AIG1: variants seen among roughly 807,000 people sequenced by gnomAD.
The protein encoded by AIG1 is androgen-induced gene 1 protein.
A neutral mutation model predicts 31.4 loss-of-function variants in AIG1; 23 were observed. That is an observed-to-expected ratio of 0.73 (90% confidence interval 0.53 to 1.04). AIG1 has a LOEUF of 1.04. Ranked by LOEUF, AIG1 falls within the 50% of genes least tolerant of loss-of-function variation. AIG1 has a pLI of 0.00. For missense variants in AIG1, 274 were observed against 295.0 expected (o/e 0.93, Z 0.52); for synonymous variants, 100 against 110.5 (o/e 0.90, Z 0.60).
intron 3 of AIG1, among the ~76,000 whole-genome samples, chr6:143,192,865 A>G (rs1314806205): frequency 1.3e-5 from 2 of 152,248 alleles, no homozygotes; most frequent in South Asian, 2.1e-4. Context: ...GATGACACAC[A>G]GAGGGTGGAT....
chr6:143,168,447 C>G (rs945790561), intron 3 of AIG1, among the ~76,000 whole-genome samples: 4 of 146,368 alleles, frequency 2.7e-5, no homozygotes, highest in African/African-American at 1.0e-4. Flanking sequence ...GTGATGTTCT[C>G]CTTCCTGTGT....
chr6:143,227,214 A>G (rs1793050700), intron 3 of AIG1, among the ~76,000 whole-genome samples: 1 of 152,162 alleles, frequency 6.6e-6, no homozygotes, highest in South Asian at 2.1e-4. Flanking sequence ...CCAGAAAGCA[A>G]GAATTTTACC....
intron 3 of AIG1, among the ~76,000 whole-genome samples, chr6:143,246,388 A>G (rs1203819036): frequency 6.6e-6 from 1 of 152,152 alleles, no homozygotes; most frequent in East Asian, 1.9e-4. Context: ...AGCAGGCAAA[A>G]AGAGAGCCTG....
chr6:143,093,922 TAA>T (rs1779525920), intron 1 of AIG1: 1 of 152,118 alleles, frequency 6.6e-6, no homozygotes, highest in Non-Finnish European at 1.5e-5. Context: ...ATTATAATAG[TAA>T]GATCAAGGAT....
intron 1 of AIG1, among the ~76,000 whole-genome samples, chr6:143,112,131 C>G (rs1200475250): frequency 1.3e-5 from 2 of 152,200 alleles, no homozygotes; most frequent in African/African-American, 2.4e-5. Context: ...TTCTGCTTCT[C>G]TAGTCTCCTC....
chr6:143,143,540 TATATATATATATATAC>T lies in AIG1; in HGVS notation c.297+6552_297+6567del, dbSNP rs1274582551. On this transcript the variant is annotated intron_variant, in intron 2 of 5. Transcript: ENST00000357847. ...AAAAAAAAAAAAAAATATATATATA[TATATATATATATATAC>T]ACACACACTTAATATCTTCTGATCC... Among the ~76,000 whole-genome samples the T allele has an allele frequency of 7.2e-4, 84 of 116,318 alleles. 2 individuals carry two copies. Among genetic ancestry groups the T allele is most frequent in the African/African-American group, 3.0e-3 (80 of 27,010 alleles). The allele number at this position is 116,318 out of a possible 152,430, so 76.3% of individuals were successfully genotyped here. A position where few individuals can be genotyped will look rare whatever the true frequency, so the allele number is the denominator to read the frequency against.
chr6:143,160,180 T>C (rs1355584747), intron 2 of AIG1, among the ~76,000 whole-genome samples: 1 of 152,152 alleles, frequency 6.6e-6, no homozygotes, highest in African/African-American at 2.4e-5. Flanking sequence ...TATAGACCAA[T>C]CTATAGATAA....
chr6:143,314,184 T>TA (rs35691634), intron 4 of AIG1, among the ~76,000 whole-genome samples: 5,258 of 90,438 alleles, frequency 0.058, 545 homozygotes, highest in African/African-American at 0.19. Context: ...ACCCATCTCT[T>TA]AAAAAAAAAA....
chr6:143,225,564 T>C (rs1031517284), intron 3 of AIG1, among the ~76,000 whole-genome samples: 7 of 152,230 alleles, frequency 4.6e-5, no homozygotes, highest in East Asian at 1.9e-4. Context: ...TTACTATTAT[T>C]GACAGTAAAG....
At chr6:143,309,057 G>C (rs1266472338) in intron 4 of AIG1, among the ~76,000 whole-genome samples, 1 of 151,928 alleles carries the variant, frequency 6.6e-6, no homozygotes, top group African/African-American at 2.4e-5. Context: ...TACTTATAGA[G>C]AAAGAGGATA....
At chr6:143,247,713 GC>G (rs1203439893) in intron 3 of AIG1, among the ~76,000 whole-genome samples, 1 of 152,202 alleles carries the variant, frequency 6.6e-6, no homozygotes, top group Admixed American at 6.5e-5. Flanking sequence ...TAAGAAACTT[GC>G]CTAAGAACTC....
intron 3 of AIG1, among the ~76,000 whole-genome samples, chr6:143,228,517 G>A (rs1482615359): frequency 6.6e-6 from 1 of 152,168 alleles, no homozygotes; most frequent in East Asian, 1.9e-4. Context: ...CCAAAACTAG[G>A]AGAGTCTACA....
rs762322909 is a variant in AIG1 at position 143,325,381 on chromosome 6, G to T, written c.516-7901G>T. ...TCAACCACAATCTTCTTTTGCCAAT[G>T]AACTTGATACCTGTATTGCCAAATC... On this transcript the variant is annotated intron_variant, in intron 4 of 5. Coordinates refer to ENST00000357847, the MANE Select transcript of AIG1 (RefSeq NM_016108.4). The surrounding 1 kb of genome is among the most constrained non-coding windows in gnomAD (Gnocchi z 4.3). 3.0e-4 allele frequency among the ~76,000 whole-genome samples: 46 copies of T among 152,278 alleles called. No homozygotes were observed. Among genetic ancestry groups the T allele is most frequent in the South Asian group, 2.1e-4 (1 of 4,824 alleles).
intron 3 of AIG1, chr6:143,186,930 C>T (rs77817279): frequency 5.8e-6 from 1 of 171,470 alleles, no homozygotes; most frequent in East Asian, 1.7e-4. Flanking sequence ...CTTGCAAGTA[C>T]AGAATACCGT....
At chr6:143,273,840 A>C (rs1379385122) in intron 3 of AIG1, among the ~76,000 whole-genome samples, 1 of 152,228 alleles carries the variant, frequency 6.6e-6, no homozygotes, top group African/African-American at 2.4e-5. Flanking sequence ...CATGGGAATT[A>C]TGGGAGCTAC....
intron 3 of AIG1, among the ~76,000 whole-genome samples, chr6:143,224,904 T>G (rs1792820496): frequency 6.6e-6 from 1 of 152,166 alleles, no homozygotes; most frequent in South Asian, 2.1e-4. Flanking sequence ...CAGATTAATC[T>G]TCTGAAACCA....
rs1211861135 is a variant in AIG1 at position 143,329,109 on chromosome 6, C to T, written c.516-4173C>T. On this transcript the variant is annotated intron_variant, in intron 4 of 5. Transcript: ENST00000357847. This position sits in a 1 kb window ranked among gnomAD's most constrained non-coding sequence, Gnocchi z 4.9. ...TCATTCACACTGATCCAGGTGAAAC[C>T]CCAAATAACAGGATTTCTTTATCTG... Among the ~76,000 whole-genome samples the T allele has an allele frequency of 1.3e-5, 2 of 152,154 alleles. No homozygotes were observed. The highest frequency in any genetic ancestry group is 2.9e-5 in the Non-Finnish European group (2 of 68,022).
intron 3 of AIG1, among the ~76,000 whole-genome samples, chr6:143,227,374 C>G (rs1793067813): frequency 6.6e-6 from 1 of 152,008 alleles, no homozygotes; most frequent in African/African-American, 2.4e-5. Flanking sequence ...GCCCCGTGCC[C>G]CTGCCCCGTG....
chr6:143,068,536 C>T (rs1400486259), intron 1 of AIG1, among the ~76,000 whole-genome samples: 1 of 152,186 alleles, frequency 6.6e-6, no homozygotes, highest in East Asian at 1.9e-4. Context: ...AAAAGTCAGA[C>T]AATGCATTAG....
Sources: allele counts gnomAD v4.1 joint callset (sites outside exome capture counted in the v4.1 genomes callset), GRCh38; gene constraint gnomAD v4.1.1; non-coding constraint Gnocchi (gnomAD v3.1); transcripts MANE v1.5; gene names NCBI Gene and HGNC (gene_info 2026-07-23, HGNC 2026-07-21).